Variants in CHD4 observed in about 807,000 individuals in gnomAD.
The protein encoded by CHD4 is ATP-dependent chromatin remodeler CHD4.
CHD4 carries 35 observed loss-of-function variants against 235.5 expected under a neutral mutation model. The ratio of observed to expected loss-of-function variants is 0.15; its 90% CI spans 0.11 to 0.20. CHD4 has a LOEUF of 0.20. Among genes scored for constraint, CHD4 ranks in the 10% least tolerant of loss-of-function variants. The probability of loss-of-function intolerance (pLI) is 1.00; values close to 1 mark genes in which losing one functional copy is unlikely to be tolerated. For missense variants in CHD4, 1,329 were observed against 2,432.3 expected (o/e 0.55, Z 9.54); for synonymous variants, 900 against 850.2 (o/e 1.06, Z -1.02).
rs1051886163 is a variant in CHD4 at position 6,592,764 on chromosome 12, C to G, written c.2706G>C (p.Gly902=). 2 of 1,613,698 alleles carry G rather than the reference C, an allele frequency of 1.2e-6. No individual in the cohort carries two copies. Residue 902 remains glycine (G), a synonymous_variant, in exon 18 of 40, where the codon GGG becomes GGC. Transcript: ENST00000544040. ...CTTCCAGATTGTTTTGTAATGGTGT[C>G]CCAGTCAGCAACAGCTTGTGCTGGA... The part of the protein sequence containing the change: ...YSLQHKLLLT[G]TPLQNNLEEL...
chr12:6,581,004 A>C (rs1394849411), intron 33 of CHD4, 40 bp downstream of exon 33: 1 of 1,605,998 alleles, frequency 6.2e-7, no homozygotes, highest in South Asian at 1.1e-5. Flanking sequence ...ACACTGTCTC[A>C]AAACAAACAA....
At chr12:6,594,775 G>A (rs1212390235) in intron 14 of CHD4, 125 bp from the exon 15 acceptor site, 4 of 815,488 alleles carry the variant, frequency 4.9e-6, no homozygotes, top group Non-Finnish European at 3.8e-6. Flanking sequence ...AAAATTCGGA[G>A]GGAAGAGATC....
chr12:6,589,421 C>T (rs1365223241), intron 22 of CHD4, among the ~76,000 whole-genome samples: 2 of 152,156 alleles, frequency 1.3e-5, no homozygotes, highest in Non-Finnish European at 2.9e-5. Flanking sequence ...AAGTCATTAC[C>T]AGTAAGGGGA....
At position 6,591,247 on chromosome 12, in the gene CHD4, C is replaced by G. The variant is rs150553552; in HGVS notation, c.3340+219G>C. On this transcript the variant is annotated intron_variant, in intron 22 of 39. Transcript: ENST00000544040. ...CTTTGCTTGCCCTCGAGATACAATG[C>G]TTTCTTCTTTCTAGCAGAAAGAACA... 1.6e-3 allele frequency: 684 copies of G among 434,730 alleles called. 8 individuals carry two copies. The highest frequency in any genetic ancestry group is 0.013 in the African/African-American group (635 of 48,850). The allele number at this position is 434,730 out of a possible 1,614,324, so 26.9% of individuals were successfully genotyped here.
chr12:6,578,238 G>T (rs543252472), intron 35 of CHD4, 101 bp from the exon 36 acceptor site: 2 of 1,338,976 alleles, frequency 1.5e-6, no homozygotes, highest in African/African-American at 1.4e-5. Context: ...CCTACCCCTG[G>T]ATCCATTTCA....
rs1483147167 is a variant in CHD4, at chr12:6,601,770, CAGAA to C, written c.439-8_439-5del. The C allele has an allele frequency of 6.2e-7, 1 of 1,612,656 alleles. No individual in the cohort carries two copies. The highest frequency in any genetic ancestry group is 1.7e-5 in the Admixed American group (1 of 59,984). On this transcript the variant is annotated splice_polypyrimidine_tract_variant and splice_region_variant and intron_variant, in intron 4 of 39. Transcript: ENST00000544040. Reference sequence around the variant, plus strand: ...GCTGAGCAGATGATTTAGGCTCCTGCAGAAAGAGCAAAGTCAAGTAAGTACCTGC... The same window carrying C: ...GCTGAGCAGATGATTTAGGCTCCTGCAGAGCAAAGTCAAGTAAGTACCTGC...
chr12:6,584,794 A>G lies in CHD4; in HGVS notation c.3880-1416T>C, dbSNP rs182675615. Reference sequence around the variant, plus strand: ...TCACTAATCAAAGAACAATTTGTATACTTATGTAGTCACCAGCAAGGATGA... The same window carrying G: ...TCACTAATCAAAGAACAATTTGTATGCTTATGTAGTCACCAGCAAGGATGA... On this transcript the variant is annotated intron_variant, in intron 25 of 39. Transcript: ENST00000544040. 5.3e-5 allele frequency: 8 copies of G among 152,380 alleles called. No individual in the cohort carries two copies. The East Asian group carries it at 1.5e-3, about 29-fold the overall frequency. The allele number at this position is 152,380 out of a possible 1,614,324, so 9.4% of individuals were successfully genotyped here.
At position 6,581,079 on chromosome 12, in the gene CHD4, T is replaced by C. The variant is rs1221930105; in HGVS notation, c.4874A>G (p.Glu1625Gly). Residue 1625 changes from glutamate to glycine, a missense_variant, in exon 33 of 40, where the codon GAG (glutamate) becomes GGG (glycine). By Grantham distance (98) the Glu-to-Gly change is moderately conservative. Transcript: ENST00000544040. ...TGTCTCCATAGGTTCCTCTGTTCTC[T>C]CCTTCACCTCTGCCTTTTCCACTTT... ...EEKVEKAEVK[E>G]RTEEPMETEP... is the part of the protein sequence containing the mutation. 2 of 1,614,138 alleles carry C rather than the reference T, an allele frequency of 1.2e-6. No homozygotes were observed. The highest frequency in any genetic ancestry group is 2.2e-5 in the South Asian group (2 of 91,086).
rs142642013 is a variant in CHD4 at position 6,581,111 on chromosome 12, T to C, written c.4842A>G (p.Gly1614=). 10 of 1,613,740 alleles carry C rather than the reference T, an allele frequency of 6.2e-6. No homozygotes were observed. In the African/African-American group the frequency reaches 1.3e-4, roughly 22 times the overall value. ...DEKVVVEPPE[G]EEKVEKAEVK... Reference sequence around the variant, plus strand: ...CCTCTGCCTTTTCCACTTTCTCCTCTCCCTCAGGGGGTTCAACAACGACCT... The same window carrying C: ...CCTCTGCCTTTTCCACTTTCTCCTCCCCCTCAGGGGGTTCAACAACGACCT... Residue 1614 remains glycine (G), a synonymous_variant, in exon 33 of 40, where the codon GGA becomes GGG. Transcript: ENST00000544040.
At chr12:6,597,145 G>A (rs1448469044) in intron 12 of CHD4, among the ~76,000 whole-genome samples, 4 of 146,358 alleles carry the variant, frequency 2.7e-5, no homozygotes, top group Non-Finnish European at 6.0e-5. Context: ...GCATGGTGGC[G>A]ATGGCCTGTA....
chr12:6,595,261 G>A, intron 14 of CHD4, 73 bp downstream of exon 14: 4 of 1,264,586 alleles, frequency 3.2e-6, no homozygotes, highest in Non-Finnish European at 4.5e-6. Context: ...TTACTTAAGA[G>A]TACCATCATT....
At chr12:6,577,490 A>G (rs931141819) in intron 37 of CHD4, among the ~76,000 whole-genome samples, 47 of 151,880 alleles carry the variant, frequency 3.1e-4, no homozygotes, top group Non-Finnish European at 2.1e-4. Context: ...GATGCAATTC[A>G]ATCCCACCTC....
At chr12:6,596,991 C>T (rs984432748) in intron 12 of CHD4, among the ~76,000 whole-genome samples, 7 of 149,428 alleles carry the variant, frequency 4.7e-5, no homozygotes, top group African/African-American at 7.4e-5. Context: ...ATAAATAGGC[C>T]GAGTGCGGCG....
At position 6,601,371 on chromosome 12, in the gene CHD4, G is replaced by A; in HGVS notation, c.717C>T (p.Ser239=). 6.2e-7 allele frequency: 1 copy of A among 1,614,110 alleles called. No individual in the cohort carries two copies. The highest frequency in any genetic ancestry group is 8.5e-7 in the Non-Finnish European group (1 of 1,180,024). Residue 239 remains serine, a synonymous_variant, in exon 6 of 40, where the codon AGC becomes AGT. Transcript: ENST00000544040. The stretch of plus-strand genomic sequence containing the variant: ...GTGCAACCTCAGTGGCTGTCACCAT[G>A]CTCTCCACCACAGCTACCGCTGCTG... ...AAAAAVAVVE[S]MVTATEVAPP...
At chr12:6,592,357 T>A in intron 19 of CHD4, 36 bp downstream of exon 19, 2 of 1,548,068 alleles carry the variant, frequency 1.3e-6, no homozygotes, top group South Asian at 2.5e-5. Flanking sequence ...CTGGCAGATG[T>A]CTAAATGGAG....
At chr12:6,602,728 A>G (rs1948619568) in intron 2 of CHD4, among the ~76,000 whole-genome samples, 1 of 152,196 alleles carries the variant, frequency 6.6e-6, no homozygotes, top group Non-Finnish European at 1.5e-5. Flanking sequence ...CACCTCGGGC[A>G]GCTGTCCAGA....
At chr12:6,572,356 G>A (rs989731528) in intron 38 of CHD4, among the ~76,000 whole-genome samples, 4 of 151,116 alleles carry the variant, frequency 2.6e-5, no homozygotes, top group Non-Finnish European at 2.9e-5. Flanking sequence ...AACCCAGGAG[G>A]CAGAGGTTGT....
chr12:6,604,257 G>A (rs1211878264), intron 2 of CHD4, among the ~76,000 whole-genome samples: 1 of 152,154 alleles, frequency 6.6e-6, no homozygotes, highest in African/African-American at 2.4e-5. Flanking sequence ...CTTGGCGACA[G>A]AGTGAGACCC....
At chr12:6,606,237 T>C (rs1380010153) in intron 2 of CHD4, 37 bp downstream of exon 2, 6 of 1,384,104 alleles carry the variant, frequency 4.3e-6, no homozygotes, top group Admixed American at 3.7e-5. Flanking sequence ...GCCCCAGATG[T>C]CTCCTTCCCG....
Sources: allele counts gnomAD v4.1 joint callset (sites outside exome capture counted in the v4.1 genomes callset), GRCh38; gene constraint gnomAD v4.1.1; transcripts MANE v1.5; gene names NCBI Gene and HGNC (gene_info 2026-07-23, HGNC 2026-07-21).